TMIGD1: variants seen among roughly 807,000 people sequenced by gnomAD.
TMIGD1 encodes the protein transmembrane and immunoglobulin domain-containing protein 1.
A neutral mutation model predicts 27.5 loss-of-function variants in TMIGD1; 29 were observed. That is an observed-to-expected ratio of 1.05 (90% CI 0.78 to 1.44). The LOEUF (loss-of-function observed/expected upper bound fraction) is 1.44. Ranked by LOEUF, TMIGD1 falls within the 40% of genes most tolerant of loss-of-function variation. TMIGD1 has a pLI of 0.00. For missense variants in TMIGD1, 334 were observed against 310.6 expected, an observed-to-expected ratio of 1.08 and a Z score of -0.57; for synonymous variants, 109 against 110.3, an observed-to-expected ratio of 0.99 and a Z score of 0.07.
chr17:30,317,211 G>A lies in TMIGD1; in HGVS notation c.767C>T (p.Pro256Leu). The A allele has an allele frequency of 6.2e-7, 1 of 1,614,042 alleles. No homozygotes were observed. Among genetic ancestry groups the A allele is most frequent in the Non-Finnish European group, 8.5e-7 (1 of 1,179,982 alleles). The change falls in exon 6 of 7, where the codon CCT becomes CTT. Residue 256 changes from proline to leucine, a missense_variant. Coordinates refer to ENST00000328886, the MANE Select transcript of TMIGD1 (RefSeq NM_206832.3). The stretch of plus-strand genomic sequence containing the variant: ...TACTTACAGAGCTGTTTCACTGTGA[G>A]GGTCTTTATCCTTCATGCAGAGCTA... ...IMKLCMKDKDPHSETAL is the reference protein window; with the variant it reads ...IMKLCMKDKDLHSETAL
chr17:30,319,930 G>C (rs1424819730), intron 4 of TMIGD1, among the ~76,000 whole-genome samples: 1 of 152,120 alleles, frequency 6.6e-6, no homozygotes, highest in Non-Finnish European at 1.5e-5. Context: ...GCCATGCAAA[G>C]AGAGAGAGCC....
rs1597678944 is a variant in TMIGD1 at position 30,318,853 on chromosome 17, G to A, written c.701C>T (p.Thr234Ile). 1 of 1,613,880 alleles carries A rather than the reference G, an allele frequency of 6.2e-7. No homozygotes were observed. ...TCTAGCAATCAGTCCAAAGCACAAT[G>A]TCAGAAAGATCACAACACATGCAGC... The part of the protein sequence containing the change: ...IIAACVVIFL[T>I]LCFGLIARRK... Residue 234 changes from threonine (T) to isoleucine (I), a missense_variant, in exon 5 of 7, where the codon ACA becomes ATA. Transcript: ENST00000328886.
chr17:30,333,273 CAA>C (rs1258253575), intron 1 of TMIGD1, among the ~76,000 whole-genome samples: 49 of 93,466 alleles, frequency 5.2e-4, no homozygotes, highest in Admixed American at 5.7e-4. Context: ...ACTAAAAATG[CAA>C]AAAAAAAAAA....
Position 30,318,810 on chromosome 17 carries a change from C to A in TMIGD1, c.744G>T (p.Lys248Asn). The A allele has an allele frequency of 6.2e-7, 1 of 1,605,068 alleles. No homozygotes were observed. ...TAAATAGCTCAGAATACTTAGATAC[C>A]TTCATTATTTTCTTTCTTCTAGCAA... is the stretch of plus-strand genomic sequence containing the variant. ...GLIARRKKIM[K>N]LCMKDKDPHS... The change falls in exon 5 of 7, where the codon AAG becomes AAT. Residue 248 changes from lysine (K) to asparagine (N), a missense_variant and splice_region_variant. By Grantham distance (94) the Lys-to-Asn change is moderately conservative (BLOSUM62 0). Transcript: ENST00000328886.
intron 3 of TMIGD1, among the ~76,000 whole-genome samples, chr17:30,327,172 A>G (rs1459559188): frequency 6.6e-6 from 1 of 152,240 alleles, no homozygotes; most frequent in Non-Finnish European, 1.5e-5. Context: ...TAAGTCATCA[A>G]ATCACATTGT....
At chr17:30,332,203 T>C in intron 1 of TMIGD1, 45 bp from the exon 2 acceptor site, 2 of 1,199,164 alleles carry the variant, frequency 1.7e-6, no homozygotes, top group Non-Finnish European at 1.2e-6. Context: ...TGGTCTGCAA[T>C]GAGTTCGTGA....
intron 1 of TMIGD1, among the ~76,000 whole-genome samples, chr17:30,332,954 C>A (rs1295511350): frequency 6.6e-6 from 1 of 152,082 alleles, no homozygotes. Flanking sequence ...CTCCTAACAA[C>A]CCTCCTGAGG....
At chr17:30,319,017 A>C in intron 4 of TMIGD1, 104 bp from the exon 5 acceptor site, 1 of 779,282 alleles carries the variant, frequency 1.3e-6, no homozygotes, top group Non-Finnish European at 2.2e-6. Flanking sequence ...CCCTTAATTA[A>C]ACCTTCTCAA....
chr17:30,318,261 T>C (rs1363553717), intron 5 of TMIGD1, among the ~76,000 whole-genome samples: 1 of 152,128 alleles, frequency 6.6e-6, no homozygotes, highest in Non-Finnish European at 1.5e-5. Context: ...CTTTCTGCCT[T>C]TTTTGCTCTC....
chr17:30,318,693 A>G, intron 5 of TMIGD1, 117 bp downstream of exon 5: 1 of 649,898 alleles, frequency 1.5e-6, no homozygotes, highest in Non-Finnish European at 2.7e-6. Context: ...TCATGGTATA[A>G]AGACCAGATT....
At chr17:30,328,197 G>A (rs1166318703) in intron 3 of TMIGD1, among the ~76,000 whole-genome samples, 1 of 151,936 alleles carries the variant, frequency 6.6e-6, no homozygotes, top group Non-Finnish European at 1.5e-5. Context: ...ACCGCACCTG[G>A]CCAATTTTTG....
chr17:30,332,673 G>A lies in TMIGD1; in HGVS notation c.-25-515C>T, dbSNP rs141274155. ...CTCTAGTTTAAACCATGTTAATCTTGTCTTTCTCCCACTATTCTCTCTCTC... is the reference window on the plus strand; with the variant it reads ...CTCTAGTTTAAACCATGTTAATCTTATCTTTCTCCCACTATTCTCTCTCTC... On this transcript the variant is annotated intron_variant, in intron 1 of 6. Transcript: ENST00000328886. Among the ~76,000 whole-genome samples the A allele has an allele frequency of 6.7e-4, 102 of 152,124 alleles. 1 individual carries two copies. Among genetic ancestry groups the A allele is most frequent in the African/African-American group, 2.3e-3 (96 of 41,494 alleles).
chr17:30,321,472 G>C (rs76294344), intron 4 of TMIGD1, among the ~76,000 whole-genome samples: 1 of 152,156 alleles, frequency 6.6e-6, no homozygotes, highest in African/African-American at 2.4e-5. Flanking sequence ...GCTATTTATC[G>C]CACAATTGAG....
intron 5 of TMIGD1, among the ~76,000 whole-genome samples, chr17:30,318,055 A>G (rs1909477478): frequency 6.6e-6 from 1 of 152,112 alleles, no homozygotes; most frequent in Non-Finnish European, 1.5e-5. Context: ...GAGAGAGAGT[A>G]AAACTCTATC....
intron 5 of TMIGD1, among the ~76,000 whole-genome samples, chr17:30,317,716 C>T (rs553919164): frequency 2.0e-5 from 3 of 151,076 alleles, no homozygotes; most frequent in East Asian, 1.9e-4. Flanking sequence ...GCTGAGATCA[C>T]GCCACTGCAC....
chr17:30,316,763 C>T, intron 6 of TMIGD1, 73 bp from the exon 7 acceptor site: 1 of 1,393,962 alleles, frequency 7.2e-7, no homozygotes, highest in Non-Finnish European at 1.0e-6. Flanking sequence ...AAAACCCATA[C>T]TCTCTGACAA....
In TMIGD1 at chr17:30,318,874, G is replaced by T. The variant is rs191634643; in HGVS notation, c.680C>A (p.Ala227Glu). ...CAATGTCAGAAAGATCACAACACAT[G>T]CAGCAATAATGGGCTCTATTGGTAC... Reference protein sequence around the residue: ...VGVPIEPIIAACVVIFLTLCF... With the variant: ...VGVPIEPIIAECVVIFLTLCF... Residue 227 changes from alanine (A) to glutamate (E), a missense_variant, in exon 5 of 7, where the codon GCA becomes GAA. Physicochemically the swap from Ala to Glu is moderately radical, Grantham distance 107. Coordinates refer to ENST00000328886, the MANE Select transcript of TMIGD1 (RefSeq NM_206832.3). 1 of 1,613,768 alleles carries T rather than the reference G, an allele frequency of 6.2e-7. No homozygotes were observed. Among genetic ancestry groups the T allele is most frequent in the Non-Finnish European group, 8.5e-7 (1 of 1,179,900 alleles).
intron 5 of TMIGD1, 69 bp downstream of exon 5, chr17:30,318,741 A>G: frequency 1.6e-6 from 2 of 1,213,206 alleles, no homozygotes; most frequent in Non-Finnish European, 1.2e-6. Context: ...GAAGTCACTT[A>G]TATTTCTAGC....
Position 30,334,014 on chromosome 17 carries a change from G to A in TMIGD1, c.-40C>T, listed in dbSNP as rs1463532338. ...TTACCACTTACCTCTTGAGCTCTGA[G>A]AAGCTGACTTCCTTGGCCAACTGTT... On this transcript the variant is annotated 5_prime_UTR_variant, in exon 1 of 7. Transcript: ENST00000328886. The A allele has an allele frequency of 6.6e-6, 1 of 152,472 alleles. No homozygotes were observed. Among genetic ancestry groups the A allele is most frequent in the South Asian group, 2.1e-4 (1 of 4,834 alleles). 9.4% of individuals were successfully genotyped at this position (152,472 alleles called of 1,614,324 possible).
Sources: gnomAD v4.1 joint callset for allele counts (sites outside exome capture counted in the v4.1 genomes callset) on GRCh38, gnomAD v4.1.1 for gene constraint, MANE v1.5 for transcripts, NCBI Gene and HGNC (gene_info 2026-07-23, HGNC 2026-07-21) for gene names.